The following ACOT12 variants were observed in gnomAD, a reference collection of about 807,000 sequenced individuals.
ACOT12 encodes the protein acetyl-coenzyme A thioesterase.
A neutral mutation model predicts 67.7 loss-of-function variants in ACOT12; 51 were observed. The ratio of observed to expected loss-of-function variants is 0.75; its 90% confidence interval spans 0.60 to 0.95. ACOT12 has a LOEUF of 0.95. ACOT12 is among the 40% of genes least tolerant of loss of function. The pLI is 0.00. For synonymous variants in ACOT12, 251 were observed against 244.6 expected, an observed-to-expected ratio of 1.03 and a Z score of -0.24; for missense variants, 734 against 708.1, an observed-to-expected ratio of 1.04 and a Z score of -0.41.
At chr5:81,342,854 A>G in intron 10 of ACOT12, 99 bp from the exon 11 acceptor site, 1 of 1,197,924 alleles carries the variant, frequency 8.3e-7, no homozygotes, top group Non-Finnish European at 1.2e-6. Flanking sequence ...TGGAGGAGGT[A>G]TGTGTTGAGT....
At chr5:81,381,235 T>C (rs530754356) in intron 2 of ACOT12, among the ~76,000 whole-genome samples, 1 of 151,982 alleles carries the variant, frequency 6.6e-6, no homozygotes, top group Non-Finnish European at 1.5e-5. Flanking sequence ...CCCAGCTAAT[T>C]TTTTCTATTT....
rs1002646207 is a variant in ACOT12, at chr5:81,359,715, C to T, written c.496+188G>A. The T allele has an allele frequency of 1.1e-5, 6 of 548,030 alleles. No individual in the cohort carries two copies. In the African/African-American group the frequency reaches 1.2e-4, roughly 11 times the overall value. 33.9% of individuals were successfully genotyped at this position (548,030 alleles called of 1,614,324 possible). A position where few individuals can be genotyped will look rare whatever the true frequency, so the allele number is the denominator to read the frequency against. On this transcript the variant is annotated intron_variant, in intron 5 of 14. Transcript: ENST00000307624. Reference sequence around the variant, plus strand: ...TGGAGATCTTCCAATTTAAAGAGGCCTTAGGTGTCAGCAGTTACATTCTCA... The same window carrying T: ...TGGAGATCTTCCAATTTAAAGAGGCTTTAGGTGTCAGCAGTTACATTCTCA...
At chr5:81,388,160 A>G (rs985497457) in intron 1 of ACOT12, among the ~76,000 whole-genome samples, 7 of 152,210 alleles carry the variant, frequency 4.6e-5, no homozygotes, top group Non-Finnish European at 8.8e-5. Flanking sequence ...TGACTATAGA[A>G]GCAATAGGAA....
chr5:81,327,219 C>CAT (rs1404571336), downstream of ACOT12, among the ~76,000 whole-genome samples: 3 of 138,736 alleles, frequency 2.2e-5, no homozygotes, highest in Non-Finnish European at 3.1e-5. Flanking sequence ...CACACACACA[C>CAT]ACATATATAT....
rs752709684 is a variant in ACOT12 at position 81,330,889 on chromosome 5, C to CG, written c.1442dup (p.Ser482ValfsTer8). The CG allele has an allele frequency of 7.4e-6, 12 of 1,612,888 alleles. No individual in the cohort carries two copies. In the African/African-American group the frequency reaches 9.3e-5, roughly 13 times the overall value. On this transcript the variant is annotated frameshift_variant, in exon 14 of 15. Transcript: ENST00000307624. LOFTEE classifies it high-confidence loss of function. ...TTTCACTTCTGATGTACTGTGGAGA[C>CG]GGGGGGACCGATGGCAAAATGACCG...
In ACOT12 at chr5:81,359,939, AG is replaced by A. The variant is rs1226015898; in HGVS notation, c.459del (p.Phe154LeufsTer4). 6.2e-7 allele frequency: 1 copy of A among 1,611,432 alleles called. No individual in the cohort carries two copies. Among genetic ancestry groups the A allele is most frequent in the East Asian group, 2.2e-5 (1 of 44,776 alleles). On this transcript the variant is annotated frameshift_variant, in exon 5 of 15. Transcript: ENST00000307624. LOFTEE classifies it high-confidence loss of function. Reference protein sequence around the residue: ...RRKVRLQHEDTFNNLMKESSK... With the variant: ...RRKVRLQHEDXFNNLMKESSK... Reference sequence around the variant, plus strand: ...CTACTTTCCTTCATTAAATTGTTAAAGGTATCTTCATGTTGTAATCGAACTT... The same window carrying A: ...CTACTTTCCTTCATTAAATTGTTAAAGTATCTTCATGTTGTAATCGAACTT...
intron 2 of ACOT12, among the ~76,000 whole-genome samples, chr5:81,378,845 C>T (rs779894379): frequency 1.4e-4 from 21 of 152,056 alleles, no homozygotes; most frequent in Non-Finnish European, 2.2e-4. Context: ...AGATGCTGGA[C>T]AGTACATGGG....
rs149368248 is a variant in ACOT12, at chr5:81,344,114, A to G, written c.980+46T>C. On this transcript the variant is annotated intron_variant, in intron 9 of 14. Transcript: ENST00000307624. Reference sequence around the variant, plus strand: ...GAGGGGGGCTCTTATATAATTTGTCAGATTAACGAAGACTCCATAAAATCA... The same window carrying G: ...GAGGGGGGCTCTTATATAATTTGTCGGATTAACGAAGACTCCATAAAATCA... 3.3e-4 allele frequency: 516 copies of G among 1,580,984 alleles called. 2 individuals are homozygous for G. The highest frequency in any genetic ancestry group is 1.2e-3 in the Middle Eastern group (7 of 5,892).
At chr5:81,333,372 T>G (rs1449313533) in intron 12 of ACOT12, among the ~76,000 whole-genome samples, 1 of 152,192 alleles carries the variant, frequency 6.6e-6, no homozygotes, top group Non-Finnish European at 1.5e-5. Context: ...ACTCCCAGAT[T>G]GCCACTTACT....
chr5:81,357,834 C>T (rs62365873), intron 5 of ACOT12, among the ~76,000 whole-genome samples: 1 of 151,904 alleles, frequency 6.6e-6, no homozygotes, highest in Non-Finnish European at 1.5e-5. Flanking sequence ...GGTGAAACCT[C>T]GTCTCCCCTA....
chr5:81,311,790 A>T, the ACOT12 span, among the ~76,000 whole-genome samples: 1 of 152,172 alleles, frequency 6.6e-6, no homozygotes, highest in African/African-American at 2.4e-5. Flanking sequence ...TATTCATCAA[A>T]CACTTCAGAG....
rs760604143 is a variant in ACOT12, at chr5:81,394,129, C to G, written c.-15G>C. On this transcript the variant is annotated 5_prime_UTR_variant, in exon 1 of 15. Transcript: ENST00000307624. ...GGCCGCTCCATGGCCAGGGCGAGAG[C>G]GCTACGCCTGCGGCCCCCGACACCC... 7.1e-7 allele frequency: 1 copy of G among 1,417,712 alleles called. No individual in the cohort carries two copies. Among genetic ancestry groups the G allele is most frequent in the Non-Finnish European group, 9.2e-7 (1 of 1,088,144 alleles). The allele number at this position is 1,417,712 out of a possible 1,614,324, so 87.8% of individuals were successfully genotyped here.
chr5:81,347,901 C>G lies in ACOT12; in HGVS notation c.526G>C (p.Val176Leu). 6.2e-7 allele frequency: 1 copy of G among 1,613,574 alleles called. No homozygotes were observed. The highest frequency in any genetic ancestry group is 8.5e-7 in the Non-Finnish European group (1 of 1,179,812). ...TGAACGGAGGTGCCCCTTGTGGAAA[C>G]CGCTCCTTCCTCTTCATCAAAAATG... ...DLIFDEEEGA[V>L]STRGTSVQSI... Residue 176 changes from valine to leucine, a missense_variant, in exon 6 of 15, where the codon GTT (valine) becomes CTT (leucine). Transcript: ENST00000307624.
intron 4 of ACOT12, among the ~76,000 whole-genome samples, chr5:81,360,794 C>T (rs1393414242): frequency 6.6e-6 from 1 of 152,148 alleles, no homozygotes; most frequent in Non-Finnish European, 1.5e-5. Context: ...GGTGTGGTGG[C>T]TCACACCTAT....
intron 11 of ACOT12, among the ~76,000 whole-genome samples, chr5:81,338,833 A>G (rs1241775898): frequency 1.3e-5 from 2 of 152,146 alleles, no homozygotes; most frequent in Non-Finnish European, 2.9e-5. Context: ...TGCAATCCCA[A>G]CACTTTGGGA....
chr5:81,329,596 C>T (rs756270711), downstream of ACOT12, among the ~76,000 whole-genome samples: 19 of 152,126 alleles, frequency 1.2e-4, no homozygotes, highest in Non-Finnish European at 2.2e-4. Flanking sequence ...ACTTTTAAAA[C>T]GTGTCCTTGA....
At chr5:81,367,276 ATGT>A in intron 3 of ACOT12, among the ~76,000 whole-genome samples, 1 of 152,188 alleles carries the variant, frequency 6.6e-6, no homozygotes, top group Non-Finnish European at 1.5e-5. Flanking sequence ...AATGGCAAAT[ATGT>A]GGGTATATAT....
At chr5:81,343,995 C>A in intron 9 of ACOT12, 114 bp from the exon 10 acceptor site, 1 of 1,205,252 alleles carries the variant, frequency 8.3e-7, no homozygotes, top group Non-Finnish European at 1.2e-6. Context: ...AGTGGAACAA[C>A]GTGGAAGAAC....
chr5:81,338,608 T>C (rs377662688), intron 11 of ACOT12, among the ~76,000 whole-genome samples: 3 of 152,322 alleles, frequency 2.0e-5, no homozygotes, highest in South Asian at 4.1e-4. Context: ...TAGTTCTTTA[T>C]AGCAATGTGA....
Sources: gnomAD v4.1 joint callset for allele counts (sites outside exome capture counted in the v4.1 genomes callset) on GRCh38, gnomAD v4.1.1 for gene constraint, MANE v1.5 for transcripts, NCBI Gene and HGNC (gene_info 2026-07-23, HGNC 2026-07-21) for gene names.